The following MEGF11 variants were observed in gnomAD, a reference collection of about 807,000 sequenced individuals.
MEGF11 encodes multiple epidermal growth factor-like domains protein 11.
In MEGF11, 126 loss-of-function variants were observed where a neutral mutation model predicts 146.6. That is an observed-to-expected ratio of 0.86 (90% CI 0.74 to 1.00). The LOEUF (loss-of-function observed/expected upper bound fraction) is 1.00, where lower values mean the gene tolerates loss of function less well. MEGF11 is among the 50% of genes least tolerant of loss of function. MEGF11 has a pLI of 0.00. For synonymous variants in MEGF11, 532 were observed against 583.4 expected, an observed-to-expected ratio of 0.91 and a Z score of 1.27; for missense variants, 1,509 against 1,521.2, an observed-to-expected ratio of 0.99 and a Z score of 0.13.
intron 1 of MEGF11, among the ~76,000 whole-genome samples, chr15:66,235,690 TA>T (rs1244633670): frequency 6.6e-6 from 1 of 152,066 alleles, no homozygotes; most frequent in East Asian, 1.9e-4. Flanking sequence ...TGATGTTCTC[TA>T]AACTCCAGAA....
At chr15:66,040,715 G>A (rs926299580) in intron 5 of MEGF11, among the ~76,000 whole-genome samples, 3 of 152,086 alleles carry the variant, frequency 2.0e-5, no homozygotes, top group East Asian at 3.9e-4. Flanking sequence ...TCTGGCTGTC[G>A]GAGCACTCAC....
At chr15:65,952,389 C>A (rs2080439555) in intron 10 of MEGF11, among the ~76,000 whole-genome samples, 1 of 152,188 alleles carries the variant, frequency 6.6e-6, no homozygotes, top group Admixed American at 6.5e-5. Flanking sequence ...GACAGCTCCA[C>A]TTAGTCCCCT....
At chr15:66,131,559 A>G (rs1249855294) in intron 1 of MEGF11, among the ~76,000 whole-genome samples, 1 of 152,152 alleles carries the variant, frequency 6.6e-6, no homozygotes, top group Non-Finnish European at 1.5e-5. Context: ...ACTTTGGAGG[A>G]ACCAGACAGC....
intron 1 of MEGF11, among the ~76,000 whole-genome samples, chr15:66,172,200 A>G (rs2090277864): frequency 6.6e-6 from 1 of 152,196 alleles, no homozygotes; most frequent in East Asian, 1.9e-4. Flanking sequence ...CACCTTTAAC[A>G]GGGCAGGCAG....
rs148621461 is a variant in MEGF11, at chr15:65,922,863, G to T, written c.1782C>A (p.Cys594Ter). ...GTCCTCGGAAGCCAGGGGCACACTC[G>T]CAGCTCCCATCCTCTGGGGAGCAGG... ...GGSCSPEDGS[C>*]ECAPGFRGPL... The change falls in exon 14 of 26, where the codon TGC (cysteine) becomes TGA (stop). Residue 594 changes from cysteine (C) to a stop codon, truncating the protein, a stop_gained. Transcript: ENST00000395614. LOFTEE classifies it high-confidence loss of function. 8.7e-6 allele frequency: 14 copies of T among 1,613,700 alleles called. No homozygotes were observed. The highest frequency in any genetic ancestry group is 1.3e-5 in the African/African-American group (1 of 75,038).
intron 1 of MEGF11, among the ~76,000 whole-genome samples, chr15:66,170,152 C>T (rs1392172170): frequency 1.3e-5 from 2 of 152,124 alleles, no homozygotes; most frequent in Non-Finnish European, 2.9e-5. Context: ...ATAATAGCAA[C>T]AGGAGGAAGG....
intron 4 of MEGF11, 71 bp downstream of exon 4, chr15:66,119,015 C>A: frequency 2.0e-6 from 2 of 1,004,738 alleles, no homozygotes; most frequent in Admixed American, 2.1e-5. Context: ...GCCCCACCTC[C>A]CCTCCCCTCC....
In MEGF11 at chr15:65,952,680, C is replaced by G. The variant is rs59000071; in HGVS notation, c.1287+4867G>C. On this transcript the variant is annotated intron_variant, in intron 10 of 25. Coordinates refer to ENST00000395614, the MANE Select transcript of MEGF11 (RefSeq NM_001385028.1). ...ATGCCGTTTCCACTTGTAAGCACTC[C>G]CACTGGAATGACTAGCTCCCACACC... Among the ~76,000 whole-genome samples the G allele has an allele frequency of 3.1e-3, 472 of 152,118 alleles. 1 individual carries two copies. The highest frequency in any genetic ancestry group is 0.011 in the African/African-American group (458 of 41,374).
At chr15:66,151,679 T>C (rs1387625065) in intron 1 of MEGF11, among the ~76,000 whole-genome samples, 1 of 152,218 alleles carries the variant, frequency 6.6e-6, no homozygotes, top group Non-Finnish European at 1.5e-5. Context: ...TCATTAGCTC[T>C]GGTTGACTCT....
At chr15:66,038,852 G>C (rs1233607194) in intron 5 of MEGF11, among the ~76,000 whole-genome samples, 1 of 152,168 alleles carries the variant, frequency 6.6e-6, no homozygotes, top group Non-Finnish European at 1.5e-5. Flanking sequence ...AGCAGCACCT[G>C]GATCCAAAGC....
chr15:66,094,447 T>C lies in MEGF11; in HGVS notation c.349A>G (p.Thr117Ala). ...CVHGRCVSPD[T>A]CHCEPGWGGP... Reference sequence around the variant, plus strand: ...CCCCAGCCAGGCTCGCAGTGGCAGGTGTCCGGGGAAACGCAGCGGCCGTGC... The same window carrying C: ...CCCCAGCCAGGCTCGCAGTGGCAGGCGTCCGGGGAAACGCAGCGGCCGTGC... Residue 117 changes from threonine to alanine, a missense_variant, in exon 5 of 26, where the codon ACC becomes GCC. Thr to Ala is a moderately conservative substitution (Grantham distance 58). Transcript: ENST00000395614. 1 of 1,552,386 alleles carries C rather than the reference T, an allele frequency of 6.4e-7. No homozygotes were observed. Among genetic ancestry groups the C allele is most frequent in the South Asian group, 1.2e-5 (1 of 83,758 alleles).
At chr15:66,115,760 G>A (rs745976320) in intron 4 of MEGF11, among the ~76,000 whole-genome samples, 6 of 152,196 alleles carry the variant, frequency 3.9e-5, no homozygotes, top group Non-Finnish European at 7.3e-5. Context: ...ACTATGACGT[G>A]TGTGCTCATA....
At chr15:66,084,879 T>G (rs2086039116) in intron 5 of MEGF11, among the ~76,000 whole-genome samples, 1 of 152,216 alleles carries the variant, frequency 6.6e-6, no homozygotes, top group Non-Finnish European at 1.5e-5. Context: ...CTTTTGCAGC[T>G]GGAAGGCAGA....
Position 65,948,265 on chromosome 15 carries a change from A to G in MEGF11, c.1287+9282T>C, listed in dbSNP as rs145166118. 6.2e-3 allele frequency among the ~76,000 whole-genome samples: 940 copies of G among 152,166 alleles called. 11 individuals are homozygous for G. Among genetic ancestry groups the G allele is most frequent in the South Asian group, 0.045 (217 of 4,818 alleles). Reference sequence around the variant, plus strand: ...GCCTGTATTCCATCCCAGCTCTGTTACAATATGCTGTGTGACCTGAGGGAA... The same window carrying G: ...GCCTGTATTCCATCCCAGCTCTGTTGCAATATGCTGTGTGACCTGAGGGAA... On this transcript the variant is annotated intron_variant, in intron 10 of 25. Transcript: ENST00000395614.
intron 7 of MEGF11, among the ~76,000 whole-genome samples, chr15:65,980,365 G>C (rs1188354964): frequency 6.6e-6 from 1 of 150,724 alleles, no homozygotes; most frequent in African/African-American, 2.4e-5. Flanking sequence ...AAATAGGAGG[G>C]AGGGTATTCA....
At chr15:65,948,830 T>C (rs1190149842) in intron 10 of MEGF11, among the ~76,000 whole-genome samples, 1 of 151,934 alleles carries the variant, frequency 6.6e-6, no homozygotes. Context: ...TACTGGAGTG[T>C]GTGTGTGTGT....
At chr15:65,972,853 G>A (rs908497987) in intron 7 of MEGF11, among the ~76,000 whole-genome samples, 3 of 152,164 alleles carry the variant, frequency 2.0e-5, no homozygotes, top group Admixed American at 6.5e-5. Flanking sequence ...AGCTGGGCAC[G>A]GTGGCTCACG....
intron 5 of MEGF11, among the ~76,000 whole-genome samples, chr15:66,080,615 G>A (rs376045890): frequency 6.6e-6 from 1 of 152,242 alleles, no homozygotes; most frequent in South Asian, 2.1e-4. Context: ...CAGTAAATGT[G>A]CACTAAGAGG....
intron 1 of MEGF11, among the ~76,000 whole-genome samples, chr15:66,139,969 G>A (rs998114284): frequency 3.3e-5 from 5 of 152,184 alleles, no homozygotes; most frequent in African/African-American, 9.7e-5. Context: ...ATTAACTGGA[G>A]CCTTCAGTTA....
Sources: allele counts gnomAD v4.1 joint callset (sites outside exome capture counted in the v4.1 genomes callset), GRCh38; gene constraint gnomAD v4.1.1; transcripts MANE v1.5; gene names NCBI Gene and HGNC (gene_info 2026-07-23, HGNC 2026-07-21).